Variants in BABAM2 observed in about 807,000 individuals in gnomAD.
BABAM2 encodes BRISC and BRCA1-A complex member 2.
Under a neutral mutation model 54.7 loss-of-function variants are expected in BABAM2, and 31 were observed. The observed-to-expected ratio is 0.57, with a 90% CI of 0.43 to 0.77. The LOEUF (loss-of-function observed/expected upper bound fraction) is 0.77. BABAM2 is among the 30% of genes least tolerant of loss of function. BABAM2 has a pLI of 0.00. For synonymous variants in BABAM2, 167 were observed against 162.9 expected (o/e 1.03, Z -0.19); for missense variants, 364 against 455.8 (o/e 0.80, Z 1.83).
In BABAM2 at chr2:28,109,617, T is replaced by TG. The variant is rs1418233947; in HGVS notation, c.571-19654_571-19653insG. Among the ~76,000 whole-genome samples the TG allele has an allele frequency of 3.9e-5, 6 of 152,194 alleles. 1 individual carries two copies. The highest frequency in any genetic ancestry group is 7.2e-5 in the African/African-American group (3 of 41,438). ...ATTTTCTTTACTCCTGATCCCTGGT[T>TG]ATACCATTATACCAATGGCACAGCT... On this transcript the variant is annotated intron_variant, in intron 6 of 11. Coordinates refer to ENST00000379624, the MANE Select transcript of BABAM2 (RefSeq NM_199191.3).
rs369297139 is a variant in BABAM2, at chr2:28,012,888, A to G, written c.301-12338A>G. ...GATTAGATCAAGAGATGTGGTTTAA[A>G]ATTTCTTCGCTCTCCACTTCTCTCC... On this transcript the variant is annotated intron_variant, in intron 4 of 11. Coordinates refer to ENST00000379624, the MANE Select transcript of BABAM2 (RefSeq NM_199191.3). 1.2e-4 allele frequency among the ~76,000 whole-genome samples: 18 copies of G among 152,226 alleles called. 1 individual carries two copies. The highest frequency in any genetic ancestry group is 4.3e-4 in the African/African-American group (18 of 41,534).
chr2:28,036,633 G>A (rs980263967), intron 5 of BABAM2, among the ~76,000 whole-genome samples: 2 of 152,192 alleles, frequency 1.3e-5, no homozygotes, highest in Non-Finnish European at 1.5e-5. Flanking sequence ...TACAGAGACA[G>A]CAGAGACAAG....
intron 7 of BABAM2, among the ~76,000 whole-genome samples, chr2:28,166,011 T>G (rs1037958569): frequency 2.6e-5 from 4 of 152,166 alleles, no homozygotes; most frequent in African/African-American, 9.7e-5. Flanking sequence ...TAACCCAATA[T>G]GACCAATGTC....
chr2:28,166,804 G>A (rs904965123), intron 7 of BABAM2, among the ~76,000 whole-genome samples: 15 of 152,150 alleles, frequency 9.9e-5, no homozygotes, highest in Middle Eastern at 3.4e-3. Flanking sequence ...TTTCTCTTAC[G>A]CTGTTTACAA....
chr2:28,045,044 G>A (rs1677453449), intron 5 of BABAM2, among the ~76,000 whole-genome samples: 1 of 151,614 alleles, frequency 6.6e-6, no homozygotes, highest in African/African-American at 2.4e-5. Flanking sequence ...TAAAAATTGA[G>A]AGGCAGACGT....
intron 7 of BABAM2, among the ~76,000 whole-genome samples, chr2:28,212,703 A>G (rs1474638942): frequency 2.6e-5 from 4 of 152,134 alleles, no homozygotes; most frequent in Admixed American, 6.5e-5. Flanking sequence ...TTTTTGGGCA[A>G]ATGATAGTAG....
chr2:28,256,184 C>G (rs1476728812), intron 10 of BABAM2, among the ~76,000 whole-genome samples: 1 of 152,136 alleles, frequency 6.6e-6, no homozygotes, highest in East Asian at 1.9e-4. Context: ...AGATACATAG[C>G]TTCTTTGTTA....
intron 6 of BABAM2, among the ~76,000 whole-genome samples, chr2:28,071,465 T>C (rs1664132220): frequency 6.6e-6 from 1 of 152,168 alleles, no homozygotes; most frequent in African/African-American, 2.4e-5. Context: ...CCTTTGGCAG[T>C]GTTATTGGTG....
intron 6 of BABAM2, among the ~76,000 whole-genome samples, chr2:28,051,281 C>T (rs1677979061): frequency 6.6e-6 from 1 of 152,202 alleles, no homozygotes. Context: ...TGAGAATTCC[C>T]AGTGCTGTCA....
intron 10 of BABAM2, among the ~76,000 whole-genome samples, chr2:28,295,638 G>A (rs1687622636): frequency 6.6e-6 from 1 of 152,004 alleles, no homozygotes; most frequent in South Asian, 2.1e-4. Context: ...TGGGATTACA[G>A]GTACGCACCA....
intron 10 of BABAM2, among the ~76,000 whole-genome samples, chr2:28,261,778 CCCCTCCCCTTCCCTT>C (rs1215903797): frequency 6.9e-6 from 1 of 145,748 alleles, no homozygotes; most frequent in Admixed American, 6.8e-5. Context: ...CCCCTCCCCT[CCCCTCCCCTTCCCTT>C]CCCTCCCTTC....
At position 28,315,232 on chromosome 2, in the gene BABAM2, TTTTG is replaced by T. The variant is rs143488300; in HGVS notation, c.1088+16765_1088+16768del. Among the ~76,000 whole-genome samples the T allele has an allele frequency of 8.6e-5, 13 of 151,994 alleles. 1 individual carries two copies. The highest frequency in any genetic ancestry group is 6.2e-4 in the South Asian group (3 of 4,816). ...TGTTCAACCACTGTCTAGTAGAGTT[TTTTG>T]TTTGTTTGTTTGTTTGTTTGTTTTT... On this transcript the variant is annotated intron_variant, in intron 11 of 11. Coordinates refer to ENST00000379624, the MANE Select transcript of BABAM2 (RefSeq NM_199191.3).
intron 6 of BABAM2, among the ~76,000 whole-genome samples, chr2:28,057,118 C>A (rs1040981154): frequency 7.2e-5 from 11 of 152,208 alleles, no homozygotes; most frequent in African/African-American, 1.9e-4. Flanking sequence ...CATCTTCATA[C>A]TTCTCTTTAG....
chr2:27,894,802 A>G (rs1456960895), intron 2 of BABAM2, 118 bp downstream of exon 2: 4 of 1,158,580 alleles, frequency 3.5e-6, no homozygotes, highest in East Asian at 2.4e-5. Flanking sequence ...CCAAGTCATC[A>G]TCTCATCATA....
chr2:28,208,053 G>A (rs1679061504), intron 7 of BABAM2, among the ~76,000 whole-genome samples: 1 of 150,802 alleles, frequency 6.6e-6, no homozygotes, highest in Admixed American at 6.6e-5. Context: ...GTGTGTGTGT[G>A]TGTGTGTGTG....
chr2:28,028,820 G>A (rs963281961), intron 5 of BABAM2, among the ~76,000 whole-genome samples: 8 of 151,998 alleles, frequency 5.3e-5, no homozygotes, highest in Admixed American at 5.2e-4. Flanking sequence ...AGGCTGGAGT[G>A]CAGTGGCGTA....
Position 27,894,540 on chromosome 2 carries a change from T to C in BABAM2, c.-17T>C, listed in dbSNP as rs766729276. The stretch of plus-strand genomic sequence containing the variant: ...CTTTCCTTCTGCTTTCAGTGGTGAT[T>C]TACAAGTCAAGTTAAAATGTCCCCA... On this transcript the variant is annotated 5_prime_UTR_variant, in exon 2 of 12. Transcript: ENST00000379624. 6.2e-7 allele frequency: 1 copy of C among 1,613,664 alleles called. No homozygotes were observed. The highest frequency in any genetic ancestry group is 1.1e-5 in the South Asian group (1 of 91,078).
intron 10 of BABAM2, among the ~76,000 whole-genome samples, chr2:28,254,728 A>ATTTTTTTTTTTTTTTTTTTTTTTT (rs759661036): frequency 8.2e-6 from 1 of 122,402 alleles, no homozygotes; most frequent in Non-Finnish European, 1.7e-5. Context: ...TTTTTTTTCA[A>ATTTTTTTTTTTTTTTTTTTTTTTT]TTTTTTTTTT....
intron 5 of BABAM2, among the ~76,000 whole-genome samples, chr2:28,044,534 G>A (rs1005003681): frequency 6.6e-6 from 1 of 152,194 alleles, no homozygotes; most frequent in Admixed American, 6.5e-5. Context: ...CCCGGGCAAG[G>A]GCCAGAACCT....
Sources: gnomAD v4.1 joint callset for allele counts (sites outside exome capture counted in the v4.1 genomes callset) on GRCh38, gnomAD v4.1.1 for gene constraint, MANE v1.5 for transcripts, NCBI Gene and HGNC (gene_info 2026-07-23, HGNC 2026-07-21) for gene names.